Variants in TPH2 observed in about 807,000 individuals in gnomAD.
The protein encoded by TPH2 is tryptophan 5-hydroxylase 2.
Under a neutral mutation model 59.1 loss-of-function variants are expected in TPH2, and 27 were observed. That is an observed-to-expected ratio of 0.46 (90% CI 0.34 to 0.63). TPH2 has a LOEUF of 0.63. TPH2 is among the 30% of genes least tolerant of loss of function. The pLI is 0.01. For missense variants in TPH2, 523 were observed against 588.3 expected, an observed-to-expected ratio of 0.89 and a Z score of 1.15; for synonymous variants, 220 against 210.5, an observed-to-expected ratio of 1.05 and a Z score of -0.39.
chr12:72,017,084 A>G (rs1873274584), intron 8 of TPH2, among the ~76,000 whole-genome samples: 1 of 152,208 alleles, frequency 6.6e-6, no homozygotes, highest in Non-Finnish European at 1.5e-5. Flanking sequence ...AATGCCAAAC[A>G]TAAGAAGGGT....
chr12:71,974,916 T>A (rs1872074694), intron 6 of TPH2, among the ~76,000 whole-genome samples: 1 of 152,226 alleles, frequency 6.6e-6, no homozygotes, highest in Non-Finnish European at 1.5e-5. Flanking sequence ...GAAACTATCA[T>A]TGGCTCCCTC....
In TPH2 at chr12:71,949,609, C is replaced by T; in HGVS notation, c.562C>T (p.Arg188Ter). The T allele has an allele frequency of 1.2e-6, 2 of 1,612,974 alleles. No individual in the cohort carries two copies. Among genetic ancestry groups the T allele is most frequent in the Non-Finnish European group, 1.7e-6 (2 of 1,179,174 alleles). The change falls in exon 5 of 11, where the codon CGA becomes TGA. Residue 188 changes from arginine to a stop codon, truncating the protein, a stop_gained. Transcript: ENST00000333850. LOFTEE classifies it high-confidence loss of function. Reference protein sequence around the residue: ...DHPGFKDNVYRQRRKYFVDVA... With the variant: ...DHPGFKDNVY ...TAAGGGATTTAAGGACAATGTCTAT[C>T]GACAGAGAAGAAAGTATTTTGTGGA...
At chr12:71,986,558 G>A (rs1045511354) in intron 7 of TPH2, among the ~76,000 whole-genome samples, 1 of 151,602 alleles carries the variant, frequency 6.6e-6, no homozygotes, top group Non-Finnish European at 1.5e-5. Context: ...GTCTGCTGGA[G>A]CCCTGTTTTT....
chr12:72,002,635 T>A (rs1872854930), intron 8 of TPH2, among the ~76,000 whole-genome samples: 1 of 152,260 alleles, frequency 6.6e-6, no homozygotes, highest in Admixed American at 6.5e-5. Flanking sequence ...AGGAAATGCA[T>A]ATTAGCATGC....
chr12:71,982,015 A>AATTTTTTTTTTTTTTTTTT (rs1183784824), intron 7 of TPH2, among the ~76,000 whole-genome samples: 2 of 60,492 alleles, frequency 3.3e-5, no homozygotes, highest in African/African-American at 6.1e-5. Flanking sequence ...TATCATTCGT[A>AATTTTTTTTTTTTTTTTTT]TTTTTTTTTT....
intron 8 of TPH2, among the ~76,000 whole-genome samples, chr12:72,006,079 C>T (rs542808614): frequency 6.6e-5 from 10 of 152,204 alleles, no homozygotes; most frequent in South Asian, 2.1e-4. Flanking sequence ...TGACACTATG[C>T]GGTTTTCCTG....
At chr12:71,940,896 C>T (rs936867219) in intron 1 of TPH2, among the ~76,000 whole-genome samples, 42 of 152,122 alleles carry the variant, frequency 2.8e-4, no homozygotes, top group African/African-American at 9.7e-4. Context: ...CAGGTTTCTT[C>T]CTTCCTGCCT....
chr12:72,014,169 T>A (rs1873175452), intron 8 of TPH2, among the ~76,000 whole-genome samples: 1 of 152,006 alleles, frequency 6.6e-6, no homozygotes, highest in Non-Finnish European at 1.5e-5. Context: ...ATGAGTGGCT[T>A]GTGATTACAG....
At chr12:71,995,386 C>T (rs1397306223) in intron 8 of TPH2, among the ~76,000 whole-genome samples, 1 of 151,994 alleles carries the variant, frequency 6.6e-6, no homozygotes, top group Non-Finnish European at 1.5e-5. Flanking sequence ...AGCAAAACCA[C>T]CAAGGGATGA....
At chr12:72,002,757 CT>C (rs35633991) in intron 8 of TPH2, among the ~76,000 whole-genome samples, 255 of 143,666 alleles carry the variant, frequency 1.8e-3, no homozygotes, top group Middle Eastern at 3.6e-3. Flanking sequence ...TTTTATTTTA[CT>C]TTTTTTTTTT....
intron 9 of TPH2, among the ~76,000 whole-genome samples, chr12:72,027,620 T>C (rs1467178381): frequency 1.3e-5 from 2 of 152,224 alleles, no homozygotes; most frequent in African/African-American, 4.8e-5. Context: ...AATTACCTTA[T>C]AGTATTGTCT....
intron 5 of TPH2, among the ~76,000 whole-genome samples, chr12:71,951,869 T>C (rs189162718): frequency 4.3e-4 from 65 of 152,092 alleles, no homozygotes; most frequent in Non-Finnish European, 8.8e-5. Flanking sequence ...CTACTGAATA[T>C]ACAAAATTAA....
At position 72,029,553 on chromosome 12, in the gene TPH2, G is replaced by A. The variant is rs1251441129; in HGVS notation, c.1165-1705G>A. ...ACTGTGAATATGTTTCTAAAATTGT[G>A]GACAGAATTATTGGTCATGTGGAAC... On this transcript the variant is annotated intron_variant, in intron 9 of 10. Transcript: ENST00000333850. 4.6e-5 allele frequency among the ~76,000 whole-genome samples: 7 copies of A among 152,120 alleles called. No homozygotes were observed. In the South Asian group the frequency reaches 1.4e-3, roughly 32 times the overall value.
At chr12:72,023,821 G>GAAAAAAAAAAAA (rs767208238) in intron 9 of TPH2, among the ~76,000 whole-genome samples, 5 of 27,920 alleles carry the variant, frequency 1.8e-4, no homozygotes, top group East Asian at 8.2e-4. Flanking sequence ...GACTCTGACA[G>GAAAAAAAAAAAA]AAAAAAAAAA....
intron 4 of TPH2, among the ~76,000 whole-genome samples, chr12:71,945,930 G>A (rs1353204336): frequency 6.6e-6 from 1 of 152,078 alleles, no homozygotes; most frequent in Non-Finnish European, 1.5e-5. Context: ...CACATGTAAG[G>A]CTTCTGAACA....
chr12:71,996,586 G>A (rs1015828689), intron 8 of TPH2, among the ~76,000 whole-genome samples: 1 of 152,054 alleles, frequency 6.6e-6, no homozygotes, highest in African/African-American at 2.4e-5. Flanking sequence ...CCTTGATCAC[G>A]GAGCAAGATA....
At chr12:71,954,333 G>A (rs1280297412) in intron 5 of TPH2, among the ~76,000 whole-genome samples, 1 of 152,138 alleles carries the variant, frequency 6.6e-6, no homozygotes, top group Non-Finnish European at 1.5e-5. Flanking sequence ...AATAGCGCAG[G>A]AAACACTCAT....
At chr12:72,003,936 A>G (rs1238801540) in intron 8 of TPH2, among the ~76,000 whole-genome samples, 1 of 152,216 alleles carries the variant, frequency 6.6e-6, no homozygotes, top group African/African-American at 2.4e-5. Flanking sequence ...CCTATTTTAG[A>G]TATTTGGAAA....
At chr12:71,986,715 G>A (rs1236535948) in intron 7 of TPH2, among the ~76,000 whole-genome samples, 1 of 138,332 alleles carries the variant, frequency 7.2e-6, no homozygotes, top group Non-Finnish European at 1.5e-5. Context: ...TGTTTTCCTT[G>A]TGCGGAGCCC....
Sources: allele counts gnomAD v4.1 joint callset (sites outside exome capture counted in the v4.1 genomes callset), GRCh38; gene constraint gnomAD v4.1.1; transcripts MANE v1.5; gene names NCBI Gene and HGNC (gene_info 2026-07-23, HGNC 2026-07-21).